The following CD28 variants were observed in gnomAD, a reference collection of about 807,000 sequenced individuals.
The protein encoded by CD28 is T-cell-specific surface glycoprotein CD28.
In CD28, 8 loss-of-function variants were observed where a neutral mutation model predicts 21.4. The observed-to-expected ratio is 0.37, with a 90% CI of 0.22 to 0.68. CD28 has a LOEUF of 0.68. Among genes scored for constraint, CD28 ranks in the 30% least tolerant of loss-of-function variants. The pLI is 0.55. For missense variants in CD28, 239 were observed against 272.2 expected, an observed-to-expected ratio of 0.88 and a Z score of 0.86; for synonymous variants, 106 against 104.0, an observed-to-expected ratio of 1.02 and a Z score of -0.12.
chr2:203,725,798 T>C (rs1474174209), intron 1 of CD28, among the ~76,000 whole-genome samples: 1 of 152,182 alleles, frequency 6.6e-6, no homozygotes, highest in Non-Finnish European at 1.5e-5. Context: ...AGCAAACTCT[T>C]GGGTTATATT....
At chr2:203,723,217 A>G (rs1170245142) in intron 1 of CD28, among the ~76,000 whole-genome samples, 1 of 152,212 alleles carries the variant, frequency 6.6e-6, no homozygotes, top group Non-Finnish European at 1.5e-5. Context: ...AAACATTTAC[A>G]AATCACATAT....
chr2:203,711,263 G>A (rs1009550236), intron 1 of CD28, among the ~76,000 whole-genome samples: 3 of 152,180 alleles, frequency 2.0e-5, no homozygotes, highest in Non-Finnish European at 4.4e-5. Context: ...CTTTTTCCTT[G>A]TTAATCTCAT....
In CD28 at chr2:203,716,703, A is replaced by T. The variant is rs1318496010; in HGVS notation, c.53-9930A>T. ...GACTTACTTTCTGACAGTTACATGTAGCACAATAATTTTTTTAAGAGGACA... is the reference window on the plus strand; with the variant it reads ...GACTTACTTTCTGACAGTTACATGTTGCACAATAATTTTTTTAAGAGGACA... On this transcript the variant is annotated intron_variant, in intron 1 of 3. Coordinates refer to ENST00000324106, the MANE Select transcript of CD28 (RefSeq NM_006139.4). 2.0e-5 allele frequency among the ~76,000 whole-genome samples: 3 copies of T among 152,240 alleles called. No homozygotes were observed. The East Asian group carries it at 5.8e-4, about 29-fold the overall frequency.
intron 3 of CD28, among the ~76,000 whole-genome samples, chr2:203,734,068 G>A (rs1693963688): frequency 6.6e-6 from 1 of 152,158 alleles, no homozygotes; most frequent in African/African-American, 2.4e-5. Flanking sequence ...GTTTTTAGAT[G>A]TTTTCTGGGT....
At chr2:203,709,362 G>T (rs1693252338) in intron 1 of CD28, among the ~76,000 whole-genome samples, 1 of 152,116 alleles carries the variant, frequency 6.6e-6, no homozygotes, top group South Asian at 2.1e-4. Flanking sequence ...AATAATGTGT[G>T]TGTATGTATG....
upstream of CD28, chr2:203,706,501 C>T (rs1693159205): frequency 6.6e-7 from 1 of 1,519,608 alleles, no homozygotes; most frequent in Admixed American, 2.0e-5. Flanking sequence ...ACGTTATATC[C>T]TGTGTGAAAT....
chr2:203,714,737 C>A (rs1212778002), intron 1 of CD28, among the ~76,000 whole-genome samples: 1 of 152,092 alleles, frequency 6.6e-6, no homozygotes, highest in Non-Finnish European at 1.5e-5. Context: ...CTCAACTACC[C>A]CATCCCCTTG....
chr2:203,723,548 T>C lies in CD28; in HGVS notation c.53-3085T>C, dbSNP rs1024907277. 2.2e-4 allele frequency among the ~76,000 whole-genome samples: 34 copies of C among 151,286 alleles called. 1 individual carries two copies. Among genetic ancestry groups the C allele is most frequent in the Non-Finnish European group, 8.9e-5 (6 of 67,794 alleles). Reference sequence around the variant, plus strand: ...CTCCAATAATTCAATAATAAAAAGATAAATAGCCTAACCAGTTAATAAATG... The same window carrying C: ...CTCCAATAATTCAATAATAAAAAGACAAATAGCCTAACCAGTTAATAAATG... On this transcript the variant is annotated intron_variant, in intron 1 of 3. Transcript: ENST00000324106.
chr2:203,715,233 G>A (rs368073397), intron 1 of CD28, among the ~76,000 whole-genome samples: 1 of 152,190 alleles, frequency 6.6e-6, no homozygotes, highest in South Asian at 2.1e-4. Flanking sequence ...TCCGTTAACT[G>A]AATTACTATA....
intron 1 of CD28, among the ~76,000 whole-genome samples, chr2:203,708,896 G>T (rs1295452993): frequency 1.3e-5 from 2 of 152,140 alleles, no homozygotes; most frequent in Non-Finnish European, 2.9e-5. Context: ...GAGGCGGGTG[G>T]ATCACTTGAG....
At chr2:203,706,787 T>C in intron 1 of CD28, 39 bp downstream of exon 1, 1 of 1,476,110 alleles carries the variant, frequency 6.8e-7, no homozygotes, top group Non-Finnish European at 9.5e-7. Context: ...TAAATATTTT[T>C]TGAGGTCTTC....
chr2:203,734,808 C>T lies in CD28; in HGVS notation c.559C>T (p.Leu187=), dbSNP rs2106126191. The change falls in exon 4 of 4, where the codon CTG becomes TTG. Residue 187 remains leucine, a synonymous_variant. Transcript: ENST00000324106. The part of the protein sequence containing the change: ...FWVRSKRSRL[L]HSDYMNMTPR... ...GGTGAGGAGTAAGAGGAGCAGGCTC[C>T]TGCACAGTGACTACATGAACATGAC... 6.2e-7 allele frequency: 1 copy of T among 1,614,210 alleles called. No homozygotes were observed. Among genetic ancestry groups the T allele is most frequent in the South Asian group, 1.1e-5 (1 of 91,084 alleles).
intron 3 of CD28, among the ~76,000 whole-genome samples, chr2:203,730,031 G>T (rs1334800837): frequency 3.3e-5 from 5 of 152,158 alleles, no homozygotes; most frequent in African/African-American, 9.7e-5. Context: ...AGGGTGGAGG[G>T]ATTAGGAGCA....
chr2:203,718,265 G>A (rs1693515035), intron 1 of CD28, among the ~76,000 whole-genome samples: 2 of 152,186 alleles, frequency 1.3e-5, no homozygotes, highest in South Asian at 4.1e-4. Context: ...TTGTGGGGGA[G>A]CCTACCCCTT....
chr2:203,730,535 T>C (rs186322526), intron 3 of CD28, among the ~76,000 whole-genome samples: 52 of 152,324 alleles, frequency 3.4e-4, no homozygotes, highest in Non-Finnish European at 2.4e-4. Flanking sequence ...GTACATAGTA[T>C]GGTACAGAAT....
At position 203,734,937 on chromosome 2, in the gene CD28, C is replaced by A; in HGVS notation, c.*25C>A. On this transcript the variant is annotated 3_prime_UTR_variant, in exon 4 of 4. Transcript: ENST00000324106. ...ACACGGACGCCTATCCAGAAGCCAG[C>A]CGGCTGGCAGCCCCCATCTGCTCAA... The A allele has an allele frequency of 6.2e-7, 1 of 1,610,130 alleles. No individual in the cohort carries two copies. The highest frequency in any genetic ancestry group is 1.3e-5 in the African/African-American group (1 of 75,024).
chr2:203,710,801 C>T (rs1205871537), intron 1 of CD28, among the ~76,000 whole-genome samples: 1 of 152,218 alleles, frequency 6.6e-6, no homozygotes, highest in Non-Finnish European at 1.5e-5. Flanking sequence ...GTCTAAAAAT[C>T]AGAGGACGGA....
upstream of CD28, chr2:203,706,621 C>G (rs780397871): frequency 6.2e-7 from 1 of 1,612,004 alleles, no homozygotes; most frequent in Non-Finnish European, 8.5e-7. Flanking sequence ...TTGGCAGGTG[C>G]GTCTTTCAGT....
intron 1 of CD28, among the ~76,000 whole-genome samples, chr2:203,709,804 T>C (rs1472026000): frequency 6.6e-6 from 1 of 152,192 alleles, no homozygotes; most frequent in East Asian, 1.9e-4. Flanking sequence ...AAGAGAAAAA[T>C]CAGCATATTA....
Sources: allele counts gnomAD v4.1 joint callset (sites outside exome capture counted in the v4.1 genomes callset), GRCh38; gene constraint gnomAD v4.1.1; transcripts MANE v1.5; gene names NCBI Gene and HGNC (gene_info 2026-07-23, HGNC 2026-07-21).